DENND2D: variants seen among roughly 807,000 people sequenced by gnomAD.
DENND2D encodes DENN domain containing 2D, also known as DENN domain-containing protein 2D.
DENND2D carries 37 observed loss-of-function variants against 59.8 expected under a neutral mutation model. The observed-to-expected ratio is 0.62, with a 90% CI of 0.48 to 0.81. The LOEUF is 0.81. DENND2D is among the 40% of genes least tolerant of loss of function. The pLI is 0.00. For missense variants in DENND2D, 525 were observed against 579.7 expected, an observed-to-expected ratio of 0.91 and a Z score of 0.97; for synonymous variants, 219 against 211.3, an observed-to-expected ratio of 1.04 and a Z score of -0.31.
At chr1:111,204,372 C>G, upstream of DENND2D, 1 of 1,409,560 alleles carries the variant, frequency 7.1e-7, no homozygotes, top group Non-Finnish European at 9.2e-7. Context: ...GAGTGCCCGG[C>G]TCCCGCTCCC....
chr1:111,190,924 T>A (rs1449467182), intron 8 of DENND2D, among the ~76,000 whole-genome samples: 1 of 152,164 alleles, frequency 6.6e-6, no homozygotes, highest in Non-Finnish European at 1.5e-5. Flanking sequence ...AGAGAGTGTG[T>A]ATAAATAATT....
At chr1:111,197,716 C>T (rs943124702) in intron 4 of DENND2D, 8 of 1,421,284 alleles carry the variant, frequency 5.6e-6, no homozygotes, top group East Asian at 5.1e-5. Flanking sequence ...CAGAGCCTGA[C>T]CAGCAGCGGG....
upstream of DENND2D, among the ~76,000 whole-genome samples, chr1:111,203,093 G>C (rs539091865): frequency 1.3e-5 from 2 of 152,210 alleles, no homozygotes; most frequent in Non-Finnish European, 2.9e-5. Flanking sequence ...ACCACTGCAC[G>C]GTCCCAGGCC....
intron 8 of DENND2D, among the ~76,000 whole-genome samples, chr1:111,189,709 T>C (rs1315158659): frequency 6.6e-6 from 1 of 152,214 alleles, no homozygotes; most frequent in Non-Finnish European, 1.5e-5. Context: ...GGTCATACTA[T>C]GCTGCTAATA....
intron 4 of DENND2D, 157 bp from the exon 5 acceptor site, chr1:111,197,410 A>G: frequency 6.9e-7 from 1 of 1,455,404 alleles, no homozygotes. Flanking sequence ...GCATCAAAAG[A>G]AGAAATCCTT....
chr1:111,201,875 G>C (rs1371157451), upstream of DENND2D, among the ~76,000 whole-genome samples: 1 of 152,232 alleles, frequency 6.6e-6, no homozygotes, highest in Non-Finnish European at 1.5e-5. Context: ...TAATGGGTGA[G>C]AAGAGCGAAC....
chr1:111,196,114 A>T (rs1179935776), intron 5 of DENND2D, 58 bp from the exon 6 acceptor site: 2 of 1,540,594 alleles, frequency 1.3e-6, no homozygotes, highest in South Asian at 1.3e-5. Flanking sequence ...AGGCAGGTGG[A>T]AGAGACTCTA....
intron 8 of DENND2D, among the ~76,000 whole-genome samples, chr1:111,189,934 G>A (rs1490765468): frequency 6.6e-6 from 1 of 152,114 alleles, no homozygotes; most frequent in African/African-American, 2.4e-5. Context: ...GGAGGCCGAG[G>A]CGGGTGGATC....
chr1:111,204,336 G>A, upstream of DENND2D: 2 of 1,480,760 alleles, frequency 1.4e-6, no homozygotes, highest in African/African-American at 2.9e-5. Context: ...CTCGAAGGCG[G>A]CGGCCGAGCC....
At chr1:111,202,875 G>C (rs564950821), upstream of DENND2D, among the ~76,000 whole-genome samples, 1 of 143,054 alleles carries the variant, frequency 7.0e-6, no homozygotes, top group South Asian at 2.5e-4. Context: ...CAGTTCCTCA[G>C]TATCAGGAAG....
rs756646157 is a variant in DENND2D, at chr1:111,189,303, C to G, written c.973-50G>C. ...CTCTGGTCCTCTTTCTTCATAGACC[C>G]CCAGAGGATTTACCGTCTTGATTTC... On this transcript the variant is annotated intron_variant, in intron 8 of 11. Coordinates refer to ENST00000357640, the MANE Select transcript of DENND2D (RefSeq NM_024901.5). 5.0e-6 allele frequency: 8 copies of G among 1,603,556 alleles called. No individual in the cohort carries two copies. The East Asian group carries it at 1.3e-4, about 27-fold the overall frequency.
upstream of DENND2D, among the ~76,000 whole-genome samples, chr1:111,201,642 C>T (rs2101513233): frequency 6.6e-6 from 1 of 152,300 alleles, no homozygotes. Flanking sequence ...AAGGCTTTTA[C>T]CAGGAAGCTG....
At chr1:111,197,679 G>T (rs950470263) in intron 4 of DENND2D, 1 of 1,393,456 alleles carries the variant, frequency 7.2e-7, no homozygotes, top group Non-Finnish European at 9.3e-7. Flanking sequence ...GGAGTTAGTT[G>T]TATTGAAAGC....
At chr1:111,200,139 T>C (rs639210) in intron 1 of DENND2D, 491,442 of 581,292 alleles carry the variant, frequency 0.85, 209,077 homozygotes, top group East Asian at 0.99. Flanking sequence ...TGGAACAATA[T>C]GGCCTGAGAG....
At chr1:111,195,031 G>A in intron 6 of DENND2D, 1 of 368,844 alleles carries the variant, frequency 2.7e-6, no homozygotes, top group Non-Finnish European at 5.0e-6. Flanking sequence ...TCACAGTGAG[G>A]GCCCTCCTCC....
chr1:111,198,100 C>A, intron 3 of DENND2D, 111 bp from the exon 4 acceptor site: 2 of 1,027,336 alleles, frequency 1.9e-6, no homozygotes, highest in Admixed American at 2.1e-5. Context: ...GCTGATTAAT[C>A]ACAGGAGTAA....
chr1:111,204,416 C>T (rs1271271393), upstream of DENND2D: 17 of 1,330,684 alleles, frequency 1.3e-5, no homozygotes, highest in African/African-American at 1.5e-5. Context: ...CTATCCTTGA[C>T]CTCCGCGGGT....
chr1:111,204,500 C>G (rs977333401), upstream of DENND2D: 9 of 857,200 alleles, frequency 1.0e-5, no homozygotes, highest in Admixed American at 3.9e-4. Flanking sequence ...CTTCCGGACT[C>G]CGGCCCAACC....
chr1:111,188,498 A>T (rs1164245900), intron 10 of DENND2D, 128 bp from the exon 11 acceptor site: 4 of 1,376,422 alleles, frequency 2.9e-6, no homozygotes, highest in African/African-American at 1.5e-5. Flanking sequence ...GTTCATAATT[A>T]CTGACTGAGA....
Sources: gnomAD v4.1 joint callset for allele counts (sites outside exome capture counted in the v4.1 genomes callset) on GRCh38, gnomAD v4.1.1 for gene constraint, MANE v1.5 for transcripts, NCBI Gene and HGNC (gene_info 2026-07-23, HGNC 2026-07-21) for gene names.